TMX3: variants seen among roughly 807,000 people sequenced by gnomAD.
The protein encoded by TMX3 is protein disulfide-isomerase TMX3.
A neutral mutation model predicts 64.4 loss-of-function variants in TMX3; 40 were observed. The observed-to-expected ratio is 0.62, with a 90% CI of 0.48 to 0.81. TMX3 has a LOEUF of 0.81. Ranked by LOEUF, TMX3 falls within the 30% of genes least tolerant of loss-of-function variation. TMX3 has a pLI of 0.00. For synonymous variants in TMX3, 189 were observed against 175.7 expected (o/e 1.08, Z -0.60); for missense variants, 497 against 534.5 (o/e 0.93, Z 0.69).
At chr18:68,692,915 G>A (rs1390914918) in intron 8 of TMX3, among the ~76,000 whole-genome samples, 1 of 152,152 alleles carries the variant, frequency 6.6e-6, no homozygotes, top group Non-Finnish European at 1.5e-5. Flanking sequence ...GGATTAAGAT[G>A]GTGTCAAATG....
At chr18:68,714,187 T>C (rs927011825) in intron 1 of TMX3, 5 of 205,622 alleles carry the variant, frequency 2.4e-5, no homozygotes, top group African/African-American at 4.6e-5. Context: ...CTTACGTCTC[T>C]TTTTAACCAT....
chr18:68,712,745 T>C (rs547091908), intron 2 of TMX3, among the ~76,000 whole-genome samples: 1 of 152,136 alleles, frequency 6.6e-6, no homozygotes, highest in South Asian at 2.1e-4. Flanking sequence ...TTGTTAACAA[T>C]CGTTCTTCTC....
At chr18:68,699,648 CT>C (rs1915478606) in intron 6 of TMX3, among the ~76,000 whole-genome samples, 2 of 152,112 alleles carry the variant, frequency 1.3e-5, no homozygotes, top group Admixed American at 6.6e-5. Flanking sequence ...AGTGCCTATA[CT>C]TTAAAGCCAA....
At chr18:68,704,443 A>C (rs1422808592) in intron 4 of TMX3, among the ~76,000 whole-genome samples, 1 of 152,178 alleles carries the variant, frequency 6.6e-6, no homozygotes, top group Non-Finnish European at 1.5e-5. Context: ...AAAGAAACTA[A>C]ATCAGGAAGA....
chr18:68,687,644 A>T, intron 10 of TMX3, 23 bp downstream of exon 10: 1 of 1,575,762 alleles, frequency 6.3e-7, no homozygotes, highest in Non-Finnish European at 8.6e-7. Flanking sequence ...AACATAATGG[A>T]GACTTGTACA....
At chr18:68,711,445 C>T in intron 2 of TMX3, 42 bp from the exon 3 acceptor site, 2 of 1,456,844 alleles carry the variant, frequency 1.4e-6, no homozygotes, top group Non-Finnish European at 1.9e-6. Context: ...ATGTTTGTGT[C>T]CACTTTACAA....
intron 3 of TMX3, 81 bp from the exon 4 acceptor site, chr18:68,710,225 T>TTAA (rs2031138878): frequency 8.0e-7 from 1 of 1,243,522 alleles, no homozygotes; most frequent in African/African-American, 1.6e-5. Context: ...ATCTTAATAT[T>TTAA]TAAAGAATCC....
At chr18:68,703,103 G>A (rs183030993) in intron 4 of TMX3, among the ~76,000 whole-genome samples, 340 of 152,292 alleles carry the variant, frequency 2.2e-3, no homozygotes, top group Non-Finnish European at 3.8e-3. Context: ...GTTCTAATTG[G>A]AGACTGTGGG....
intron 2 of TMX3, among the ~76,000 whole-genome samples, chr18:68,713,003 T>TAAAAA (rs34191235): frequency 8.2e-6 from 1 of 122,294 alleles, no homozygotes; most frequent in East Asian, 2.3e-4. Context: ...TCAAGAGGTT[T>TAAAAA]AAAAAAAAAA....
At chr18:68,698,946 C>T (rs534182428) in intron 6 of TMX3, among the ~76,000 whole-genome samples, 43 of 150,624 alleles carry the variant, frequency 2.9e-4, no homozygotes, top group African/African-American at 8.3e-4. Flanking sequence ...GGCGTGAACC[C>T]GGGAGGCGGA....
chr18:68,684,324 C>T, intron 11 of TMX3, 81 bp from the exon 12 acceptor site: 1 of 1,478,328 alleles, frequency 6.8e-7, no homozygotes, highest in Non-Finnish European at 9.4e-7. Flanking sequence ...TGCTGTCTTA[C>T]ATCTAATTGC....
chr18:68,699,773 G>A (rs376441447), intron 6 of TMX3, among the ~76,000 whole-genome samples: 166 of 152,050 alleles, frequency 1.1e-3, no homozygotes, highest in African/African-American at 3.9e-3. Context: ...AAAAATCAAC[G>A]ACAAATTCAA....
Position 68,681,014 on chromosome 18 carries a change from C to T in TMX3, c.1002G>A (p.Gln334=). The change falls in exon 14 of 16, where the codon CAG becomes CAA. Residue 334 remains glutamine, a synonymous_variant. Transcript: ENST00000299608. ...TGCCATCCAAAATGTTATTAATAAA[C>T]TGGACCATGTCTTCAACATTCTTAA... The part of the protein sequence containing the change: ...RQIKNVEDMV[Q]FINNILDGTV... The T allele has an allele frequency of 1.3e-6, 2 of 1,598,298 alleles. No homozygotes were observed. The highest frequency in any genetic ancestry group is 1.7e-6 in the Non-Finnish European group (2 of 1,173,232).
intron 2 of TMX3, 129 bp downstream of exon 2, chr18:68,713,717 A>G: frequency 2.3e-6 from 1 of 435,518 alleles, no homozygotes; most frequent in Non-Finnish European, 3.9e-6. Context: ...CTTCACTTAC[A>G]ACAAGTGAAA....
chr18:68,704,979 A>G (rs891082778), intron 4 of TMX3, among the ~76,000 whole-genome samples: 5 of 152,218 alleles, frequency 3.3e-5, no homozygotes, highest in African/African-American at 4.8e-5. Flanking sequence ...CTCAACCTCT[A>G]AAGTCCTTTT....
chr18:68,684,337 C>G, intron 11 of TMX3, 91 bp downstream of exon 11: 1 of 1,498,390 alleles, frequency 6.7e-7, no homozygotes, highest in Non-Finnish European at 9.2e-7. Flanking sequence ...CTAATTGCTG[C>G]AGGAAAAGTA....
Position 68,703,546 on chromosome 18 carries a change from C to A in TMX3, c.266-1756G>T, listed in dbSNP as rs367605051. Among the ~76,000 whole-genome samples the A allele has an allele frequency of 2.6e-4, 40 of 152,310 alleles. No homozygotes were observed. The East Asian group carries it at 6.0e-3, about 23-fold the overall frequency. The stretch of plus-strand genomic sequence containing the variant: ...ACATCGAGACAATGGAGATCTATCA[C>A]CCAACCCACATCCCTTGGCTTCTTG... On this transcript the variant is annotated intron_variant, in intron 4 of 15. Coordinates refer to ENST00000299608, the MANE Select transcript of TMX3 (RefSeq NM_019022.5).
intron 6 of TMX3, among the ~76,000 whole-genome samples, 153 bp from the exon 7 acceptor site, chr18:68,698,184 T>C (rs1382643480): frequency 6.6e-6 from 1 of 152,214 alleles, no homozygotes; most frequent in African/African-American, 2.4e-5. Flanking sequence ...ATGAATATAA[T>C]AAAACTGTGG....
intron 9 of TMX3, chr18:68,689,705 C>T (rs1914326942): frequency 6.6e-6 from 1 of 152,150 alleles, no homozygotes; most frequent in Admixed American, 6.5e-5. Flanking sequence ...TTTTCAAATA[C>T]ACAAGTTTCT....
Sources: allele counts gnomAD v4.1 joint callset (sites outside exome capture counted in the v4.1 genomes callset), GRCh38; gene constraint gnomAD v4.1.1; transcripts MANE v1.5; gene names NCBI Gene and HGNC (gene_info 2026-07-23, HGNC 2026-07-21).